The following DACH2 variants were observed in gnomAD, a reference collection of about 807,000 sequenced individuals.
DACH2 encodes the protein dachshund homolog 2.
In DACH2, 17 loss-of-function variants were observed where a neutral mutation model predicts 35.8. The observed-to-expected ratio is 0.48, with a 90% CI of 0.33 to 0.71. DACH2 has a LOEUF of 0.71. Among genes scored for constraint, DACH2 ranks in the 30% least tolerant of loss-of-function variants. DACH2 has a pLI of 0.02. For synonymous variants in DACH2, 195 were observed against 177.3 expected, an observed-to-expected ratio of 1.10 and a Z score of -0.79; for missense variants, 469 against 472.7, an observed-to-expected ratio of 0.99 and a Z score of 0.07.
At chrX:86,443,709 T>A (rs2037210842) in intron 2 of DACH2, among the ~76,000 whole-genome samples, 1 of 111,279 alleles carries the variant, frequency 9.0e-6, no homozygotes, top group Non-Finnish European at 1.9e-5. Context: ...GTGTTTGGAG[T>A]TATTTTGAAT....
intron 1 of DACH2, among the ~76,000 whole-genome samples, chrX:86,163,012 C>A (rs2030817595): frequency 9.1e-6 from 1 of 110,459 alleles, no homozygotes; most frequent in African/African-American, 3.3e-5. Context: ...AGTGGGGTAT[C>A]CCTCCACTCA....
intron 7 of DACH2, among the ~76,000 whole-genome samples, chrX:86,810,449 T>A (rs2042383997): frequency 8.9e-6 from 1 of 111,905 alleles, no homozygotes; most frequent in Non-Finnish European, 1.9e-5. Flanking sequence ...TATAACTTCG[T>A]AGCACTTCAT....
At chrX:86,415,308 C>T (rs759159511) in intron 2 of DACH2, among the ~76,000 whole-genome samples, 5 of 111,850 alleles carry the variant, frequency 4.5e-5, no homozygotes, top group Non-Finnish European at 9.4e-5. Flanking sequence ...GTCAAAGTTA[C>T]GCAGTTCCTT....
At chrX:86,794,973 T>C (rs966421047) in intron 7 of DACH2, among the ~76,000 whole-genome samples, 2 of 111,305 alleles carry the variant, frequency 1.8e-5, no homozygotes, top group Non-Finnish European at 3.8e-5. Context: ...TTAATATAGG[T>C]ATTTTAACTG....
At chrX:86,409,730 A>T (rs191503014) in intron 2 of DACH2, among the ~76,000 whole-genome samples, 1 of 112,136 alleles carries the variant, frequency 8.9e-6, no homozygotes, top group Non-Finnish European at 1.9e-5. Context: ...ATATTTCTTT[A>T]TAACAATGCA....
chrX:86,413,717 C>A lies in DACH2; in HGVS notation c.527+36855C>A, dbSNP rs1306314965. On this transcript the variant is annotated intron_variant, in intron 2 of 11. Coordinates refer to ENST00000373125, the MANE Select transcript of DACH2 (RefSeq NM_053281.3). ...TTGGGTATTTCCCACCATCATAGACCTCACCCTACCAGTCAGGGAGTCAAT... is the reference window on the plus strand; with the variant it reads ...TTGGGTATTTCCCACCATCATAGACATCACCCTACCAGTCAGGGAGTCAAT... Among the ~76,000 whole-genome samples the A allele has an allele frequency of 2.7e-5, 3 of 110,813 alleles. No individual in the cohort carries two copies. In the South Asian group the frequency reaches 1.2e-3, roughly 43 times the overall value.
chrX:86,740,264 C>T (rs1341386773), intron 7 of DACH2, among the ~76,000 whole-genome samples: 1 of 110,888 alleles, frequency 9.0e-6, no homozygotes, highest in African/African-American at 3.3e-5. Context: ...AAAAGTGAAT[C>T]AATATAAGAT....
intron 7 of DACH2, among the ~76,000 whole-genome samples, chrX:86,806,356 C>T (rs2042344892): frequency 1.8e-5 from 2 of 110,812 alleles, no homozygotes; most frequent in East Asian, 2.8e-4. Flanking sequence ...TCTTCACTCA[C>T]TCACTGTCTT....
intron 3 of DACH2, among the ~76,000 whole-genome samples, chrX:86,633,469 C>A (rs577596395): frequency 1.8e-5 from 2 of 111,249 alleles, no homozygotes; most frequent in Non-Finnish European, 3.8e-5. Context: ...AACAATCTCG[C>A]GACACACACA....
chrX:86,297,541 G>T (rs1002843389), intron 1 of DACH2, among the ~76,000 whole-genome samples: 39 of 111,401 alleles, frequency 3.5e-4, no homozygotes, highest in African/African-American at 1.1e-3. Flanking sequence ...ATGACAAAAA[G>T]ATAATTTATT....
intron 2 of DACH2, among the ~76,000 whole-genome samples, chrX:86,408,257 T>A (rs1009839302): frequency 1.8e-5 from 2 of 111,839 alleles, no homozygotes; most frequent in African/African-American, 6.5e-5. Context: ...ATATATTATA[T>A]GCCAGAGATT....
intron 3 of DACH2, among the ~76,000 whole-genome samples, chrX:86,608,500 A>T (rs182524510): frequency 1.5e-4 from 17 of 112,084 alleles, no homozygotes; most frequent in African/African-American, 5.5e-4. Context: ...GTGTTATTAC[A>T]GTCTGTGTTT....
intron 1 of DACH2, among the ~76,000 whole-genome samples, chrX:86,196,692 CAAAAAAAAAAAAA>C (rs56268300): frequency 3.7e-5 from 1 of 27,361 alleles, no homozygotes. Context: ...GACTCCATCT[CAAAAAAAAAAAAA>C]AAAAAAAAAA....
chrX:86,221,490 A>G (rs953831070), intron 1 of DACH2, among the ~76,000 whole-genome samples: 1 of 112,012 alleles, frequency 8.9e-6, no homozygotes, highest in Non-Finnish European at 1.9e-5. Context: ...AAATCAGGAA[A>G]TGTGAGGCCA....
At chrX:86,803,927 G>C (rs2042318740) in intron 7 of DACH2, among the ~76,000 whole-genome samples, 1 of 111,394 alleles carries the variant, frequency 9.0e-6, no homozygotes, top group South Asian at 3.7e-4. Flanking sequence ...AAATCATACA[G>C]GTGGCAATCT....
chrX:86,667,045 A>G (rs886908925), intron 4 of DACH2, among the ~76,000 whole-genome samples: 2 of 98,032 alleles, frequency 2.0e-5, no homozygotes, highest in African/African-American at 7.5e-5. Flanking sequence ...CAGGAGTTCC[A>G]GACCAGCCTA....
chrX:86,179,853 A>G (rs1166596597), intron 1 of DACH2, among the ~76,000 whole-genome samples: 1 of 110,280 alleles, frequency 9.1e-6, no homozygotes, highest in African/African-American at 3.3e-5. Context: ...AACGAAAAGC[A>G]GTCCTTTCTT....
intron 1 of DACH2, among the ~76,000 whole-genome samples, chrX:86,153,296 T>C (rs1417483193): frequency 2.7e-5 from 3 of 111,779 alleles, no homozygotes; most frequent in African/African-American, 9.7e-5. Context: ...GTTATTTTGA[T>C]AGTATATAAA....
chrX:86,768,784 C>T (rs751511060), intron 7 of DACH2, among the ~76,000 whole-genome samples: 2 of 110,969 alleles, frequency 1.8e-5, no homozygotes, highest in African/African-American at 6.5e-5. Context: ...ACTTTTGGTC[C>T]TCACCTCCTC....
Sources: allele counts gnomAD v4.1 joint callset (sites outside exome capture counted in the v4.1 genomes callset), GRCh38; gene constraint gnomAD v4.1.1; transcripts MANE v1.5; gene names NCBI Gene and HGNC (gene_info 2026-07-23, HGNC 2026-07-21).